The following EIF2D variants were observed in gnomAD, a reference collection of about 807,000 sequenced individuals.
EIF2D encodes the protein hepatocellular carcinoma-associated antigen 56.
A neutral mutation model predicts 77.4 loss-of-function variants in EIF2D; 56 were observed. The ratio of observed to expected loss-of-function variants is 0.72; its 90% CI spans 0.58 to 0.90. The LOEUF (loss-of-function observed/expected upper bound fraction) is 0.90, where lower values mean the gene tolerates loss of function less well. EIF2D is among the 40% of genes least tolerant of loss of function. The pLI is 0.00. For missense variants in EIF2D, 574 were observed against 706.5 expected (o/e 0.81, Z 2.13); for synonymous variants, 230 against 271.0 (o/e 0.85, Z 1.49).
In EIF2D at chr1:206,599,118, G is replaced by C. The variant is rs190825717; in HGVS notation, c.1203-26C>G. ...CTAGGTGAGGAGAAGTGACCCAGGGGTTAGTTCATGCTGTGCCATGAGACA... is the reference window on the plus strand; with the variant it reads ...CTAGGTGAGGAGAAGTGACCCAGGGCTTAGTTCATGCTGTGCCATGAGACA... On this transcript the variant is annotated intron_variant, in intron 10 of 14. Coordinates refer to ENST00000271764, the MANE Select transcript of EIF2D (RefSeq NM_006893.3). The surrounding 1 kb of genome is among the most constrained non-coding windows in gnomAD (Gnocchi z 4.1). 17 of 1,608,146 alleles carry C rather than the reference G, an allele frequency of 1.1e-5. No individual in the cohort carries two copies. Among genetic ancestry groups the C allele is most frequent in the East Asian group, 2.2e-5 (1 of 44,852 alleles).
chr1:206,600,134 C>G, intron 8 of EIF2D, 129 bp downstream of exon 8: 1 of 947,198 alleles, frequency 1.1e-6, no homozygotes, highest in Non-Finnish European at 1.6e-6. Flanking sequence ...CCCCCTTATA[C>G]TTGGAGTCAA....
In EIF2D at chr1:206,599,873, G is replaced by A. The variant is rs1669835336; in HGVS notation, c.949-37C>T. On this transcript the variant is annotated intron_variant, in intron 8 of 14. Coordinates refer to ENST00000271764, the MANE Select transcript of EIF2D (RefSeq NM_006893.3). The surrounding 1 kb of genome is among the most constrained non-coding windows in gnomAD (Gnocchi z 4.1). ...AGGGCCAGTGGTAGGGGACTTCATT[G>A]ATTCCACACACATACTGAGCACCCA... 1 of 1,589,804 alleles carries A rather than the reference G, an allele frequency of 6.3e-7. No individual in the cohort carries two copies. Among genetic ancestry groups the A allele is most frequent in the Admixed American group, 1.7e-5 (1 of 59,918 alleles).
chr1:206,572,863 T>C (rs1354457913), intron 4 of EIF2D, among the ~76,000 whole-genome samples: 1 of 152,206 alleles, frequency 6.6e-6, no homozygotes, highest in Non-Finnish European at 1.5e-5. Flanking sequence ...CAAAAGTTCT[T>C]AGGACCCATG....
intron 2 of EIF2D, chr1:206,585,118 C>T: frequency 7.8e-7 from 1 of 1,284,150 alleles, no homozygotes; most frequent in Non-Finnish European, 1.1e-6. Context: ...TCCTTTCCCG[C>T]AAGCCTGGGC....
intron 2 of EIF2D, among the ~76,000 whole-genome samples, chr1:206,609,769 T>C (rs1478057913): frequency 6.6e-6 from 1 of 152,210 alleles, no homozygotes; most frequent in East Asian, 1.9e-4. Flanking sequence ...GCAAGTAGCC[T>C]AAGAACAGGA....
intron 1 of EIF2D, among the ~76,000 whole-genome samples, 180 bp from the exon 2 acceptor site, chr1:206,611,554 T>C (rs566078309): frequency 1.4e-4 from 22 of 152,356 alleles, no homozygotes; most frequent in African/African-American, 4.3e-4. Flanking sequence ...TCATCCATTG[T>C]CATCTATTTT....
intron 5 of EIF2D, among the ~76,000 whole-genome samples, chr1:206,603,852 A>G: frequency 6.6e-6 from 1 of 152,252 alleles, no homozygotes; most frequent in Non-Finnish European, 1.5e-5. Context: ...AATCAAACTA[A>G]GTTTTAACTA....
intron 11 of EIF2D, among the ~76,000 whole-genome samples, chr1:206,598,712 C>A (rs1290595087): frequency 6.6e-6 from 1 of 152,172 alleles, no homozygotes; most frequent in Non-Finnish European, 1.5e-5. Context: ...TCAGTAAATT[C>A]TTTGTAAGCT....
At chr1:206,585,354 GGGT>G in intron 2 of EIF2D, 1 of 1,280,800 alleles carries the variant, frequency 7.8e-7, no homozygotes, top group Non-Finnish European at 1.1e-6. Context: ...GGGTGCAGGT[GGGT>G]GTTGTCCTAA....
At chr1:206,578,043 C>CA (rs1668719678) in intron 4 of EIF2D, among the ~76,000 whole-genome samples, 1 of 150,658 alleles carries the variant, frequency 6.6e-6, no homozygotes, top group Non-Finnish European at 1.5e-5. Context: ...GGCAACATAG[C>CA]AAGGCACCTC....
intron 4 of EIF2D, among the ~76,000 whole-genome samples, chr1:206,575,871 C>T (rs1050168544): frequency 7.9e-5 from 12 of 152,238 alleles, no homozygotes; most frequent in African/African-American, 2.9e-4. Context: ...CGCCAAAGTC[C>T]AAAGCCTGGT....
chr1:206,581,718 G>A (rs1668888181), intron 2 of EIF2D, among the ~76,000 whole-genome samples: 1 of 152,184 alleles, frequency 6.6e-6, no homozygotes, highest in Non-Finnish European at 1.5e-5. Context: ...GGTTGGAGGT[G>A]GGAGGCTGGA....
chr1:206,608,308 A>C lies in EIF2D; in HGVS notation c.350T>G (p.Leu117Arg). The change falls in exon 4 of 15, where the codon CTG becomes CGG. Residue 117 changes from leucine (L) to arginine (R), a missense_variant. Leu to Arg is a moderately radical substitution (Grantham distance 102). Transcript: ENST00000271764. ...VGGADLMLPGLVMPPAGLPQV... is the reference protein window; with the variant it reads ...VGGADLMLPGRVMPPAGLPQV... ...AGGCAGACCAGCAGGGGGCATCACC[A>C]GTCCAGGCAGCATCAAATCTGCAAT... 6.2e-7 allele frequency: 1 copy of C among 1,612,074 alleles called. No homozygotes were observed. Among genetic ancestry groups the C allele is most frequent in the Non-Finnish European group, 8.5e-7 (1 of 1,178,846 alleles).
At chr1:206,583,386 GC>G (rs782536953) in intron 2 of EIF2D, 1 of 1,594,936 alleles carries the variant, frequency 6.3e-7, no homozygotes, top group Admixed American at 1.7e-5. Context: ...ACTGGTAAGC[GC>G]CCGTCCACCC....
At chr1:206,609,576 A>C in intron 2 of EIF2D, 117 bp from the exon 3 acceptor site, 1 of 809,104 alleles carries the variant, frequency 1.2e-6, no homozygotes, top group Non-Finnish European at 1.9e-6. Context: ...CTCAACTCAA[A>C]GCTAAAGAGA....
intron 5 of EIF2D, chr1:206,572,577 G>A (rs1038362890): frequency 1.7e-4 from 26 of 152,296 alleles, no homozygotes; most frequent in African/African-American, 6.0e-4. Flanking sequence ...AGCACACTGG[G>A]ACAGTCAGTC....
chr1:206,578,208 AGAGG>A (rs1363837826), intron 4 of EIF2D, among the ~76,000 whole-genome samples: 4 of 137,394 alleles, frequency 2.9e-5, no homozygotes, highest in Admixed American at 1.5e-4. Context: ...ACTGGGTGAC[AGAGG>A]GAGACATCTC....
downstream of EIF2D, among the ~76,000 whole-genome samples, chr1:206,590,153 A>G (rs543514270): frequency 1.3e-5 from 2 of 152,346 alleles, no homozygotes; most frequent in African/African-American, 4.8e-5. Context: ...ATATGTCCCT[A>G]TGCTGTTCAC....
chr1:206,595,204 C>T (rs1669588831), intron 13 of EIF2D: 1 of 152,630 alleles, frequency 6.6e-6, no homozygotes, highest in South Asian at 2.1e-4. Flanking sequence ...AGTCTGCCTT[C>T]TTGGCATTTC....
Sources: gnomAD v4.1 joint callset for allele counts (sites outside exome capture counted in the v4.1 genomes callset) on GRCh38, gnomAD v4.1.1 for gene constraint, Gnocchi (gnomAD v3.1) non-coding constraint, MANE v1.5 for transcripts, NCBI Gene and HGNC (gene_info 2026-07-23, HGNC 2026-07-21) for gene names.